CHST11: variants seen among roughly 807,000 people sequenced by gnomAD.
The protein encoded by CHST11 is C4S-1.
CHST11 carries 9 observed loss-of-function variants against 30.4 expected under a neutral mutation model. The observed-to-expected ratio is 0.30, with a 90% CI of 0.18 to 0.52. CHST11 has a LOEUF of 0.52. Ranked by LOEUF, CHST11 falls within the 20% of genes least tolerant of loss-of-function variation. The probability of loss-of-function intolerance (pLI) is 0.97; values close to 1 mark genes in which losing one functional copy is unlikely to be tolerated. For missense variants in CHST11, 348 were observed against 460.6 expected (o/e 0.76, Z 2.24); for synonymous variants, 152 against 187.8 (o/e 0.81, Z 1.56).
intron 2 of CHST11, among the ~76,000 whole-genome samples, chr12:104,609,938 A>G (rs1380970304): frequency 3.9e-5 from 6 of 152,170 alleles, no homozygotes; most frequent in Admixed American, 6.5e-5. Flanking sequence ...GCTACTAGCT[A>G]TCTTCATTGT....
chr12:104,555,388 G>T (rs1376082283), intron 1 of CHST11, among the ~76,000 whole-genome samples: 1 of 152,218 alleles, frequency 6.6e-6, no homozygotes, highest in African/African-American at 2.4e-5. Flanking sequence ...TTTTAGATTT[G>T]TGGGTTAAAT....
intron 1 of CHST11, among the ~76,000 whole-genome samples, chr12:104,589,899 C>T (rs1330124291): frequency 6.6e-6 from 1 of 152,052 alleles, no homozygotes; most frequent in African/African-American, 2.4e-5. Flanking sequence ...ATCCCAGCTA[C>T]TCGGGAGGCT....
chr12:104,517,939 C>G (rs2038040057), intron 1 of CHST11, among the ~76,000 whole-genome samples: 2 of 152,162 alleles, frequency 1.3e-5, no homozygotes, highest in Non-Finnish European at 2.9e-5. Flanking sequence ...GAGGATCGTA[C>G]TGGATAACTT....
At chr12:104,573,111 T>C (rs2038645791) in intron 1 of CHST11, among the ~76,000 whole-genome samples, 2 of 152,218 alleles carry the variant, frequency 1.3e-5, no homozygotes, top group African/African-American at 4.8e-5. Flanking sequence ...CCATTCACAA[T>C]TGCTTCAAAG....
chr12:104,695,580 C>T (rs145738530), intron 2 of CHST11, among the ~76,000 whole-genome samples: 49 of 152,244 alleles, frequency 3.2e-4, no homozygotes, highest in African/African-American at 1.1e-3. Context: ...CAGCTGCAAG[C>T]GGGGAGCTTC....
intron 1 of CHST11, among the ~76,000 whole-genome samples, chr12:104,483,321 T>C (rs960703460): frequency 2.6e-5 from 4 of 152,210 alleles, no homozygotes; most frequent in African/African-American, 9.7e-5. Flanking sequence ...TTCTTCTGCC[T>C]CAGCCTCTCG....
At chr12:104,678,846 G>C (rs1473102557) in intron 2 of CHST11, among the ~76,000 whole-genome samples, 3 of 152,104 alleles carry the variant, frequency 2.0e-5, no homozygotes, top group African/African-American at 7.2e-5. Flanking sequence ...ACTCAAAACA[G>C]TCCTCAGGAG....
At chr12:104,555,732 T>C (rs2038448420) in intron 1 of CHST11, among the ~76,000 whole-genome samples, 1 of 152,186 alleles carries the variant, frequency 6.6e-6, no homozygotes, top group Non-Finnish European at 1.5e-5. Context: ...TCCGGAAGCA[T>C]TAAAATTCAT....
At chr12:104,507,302 G>T (rs531368028) in intron 1 of CHST11, among the ~76,000 whole-genome samples, 1 of 152,296 alleles carries the variant, frequency 6.6e-6, no homozygotes, top group South Asian at 2.1e-4. Context: ...CTTTCTCCCA[G>T]CCCAGTGGCC....
At chr12:104,558,688 G>A (rs1224383576) in intron 1 of CHST11, among the ~76,000 whole-genome samples, 2 of 151,882 alleles carry the variant, frequency 1.3e-5, no homozygotes, top group Non-Finnish European at 2.9e-5. Flanking sequence ...TCAGGTGTGT[G>A]CCACCACGCC....
At chr12:104,553,419 AC>A (rs1482123916) in intron 1 of CHST11, 1 of 152,288 alleles carries the variant, frequency 6.6e-6, no homozygotes, top group African/African-American at 2.4e-5. Context: ...ATAAAGAACT[AC>A]CTGAGACTGG....
chr12:104,572,795 A>G (rs1258927517), intron 1 of CHST11, among the ~76,000 whole-genome samples: 1 of 152,046 alleles, frequency 6.6e-6, no homozygotes, highest in Non-Finnish European at 1.5e-5. Context: ...CTACTTTTTA[A>G]TTGTGATGTT....
chr12:104,651,602 C>G (rs1409596421), intron 2 of CHST11, among the ~76,000 whole-genome samples: 1 of 152,204 alleles, frequency 6.6e-6, no homozygotes, highest in Non-Finnish European at 1.5e-5. Flanking sequence ...GCCTTGACCC[C>G]TGGTCACTCC....
chr12:104,657,933 G>A (rs1219248086), intron 2 of CHST11, among the ~76,000 whole-genome samples: 1 of 152,208 alleles, frequency 6.6e-6, no homozygotes, highest in African/African-American at 2.4e-5. Flanking sequence ...TTCCCCTTCA[G>A]TTGACGGAGG....
intron 2 of CHST11, among the ~76,000 whole-genome samples, chr12:104,604,502 G>T (rs1056134032): frequency 1.4e-4 from 22 of 152,300 alleles, no homozygotes; most frequent in Admixed American, 1.4e-3. Context: ...AACTGTCTTG[G>T]TGATCATTTG....
In CHST11 at chr12:104,638,452, T is replaced by C. The variant is rs931317466; in HGVS notation, c.204+36461T>C. 6.6e-5 allele frequency among the ~76,000 whole-genome samples: 10 copies of C among 152,174 alleles called. No homozygotes were observed. The South Asian group carries it at 1.9e-3, about 28-fold the overall frequency. ...GTCAACCACTTGACTCAACCTGAAC[T>C]CCTGCCCTTCCCAATGGAGTGGGAT... is the stretch of plus-strand genomic sequence containing the variant. On this transcript the variant is annotated intron_variant, in intron 2 of 2. Coordinates refer to ENST00000303694, the MANE Select transcript of CHST11 (RefSeq NM_018413.6).
intron 1 of CHST11, among the ~76,000 whole-genome samples, chr12:104,555,155 A>G (rs1644687576): frequency 6.6e-6 from 1 of 152,230 alleles, no homozygotes; most frequent in Non-Finnish European, 1.5e-5. Flanking sequence ...CTCTGATTCT[A>G]GCCACATCAG....
At chr12:104,537,737 C>G (rs1210279987) in intron 1 of CHST11, among the ~76,000 whole-genome samples, 2 of 148,098 alleles carry the variant, frequency 1.4e-5, no homozygotes, top group Non-Finnish European at 3.0e-5. Flanking sequence ...ACTCTGTTCC[C>G]TAGGCTGGAG....
At chr12:104,684,741 G>A (rs1157589014) in intron 2 of CHST11, among the ~76,000 whole-genome samples, 4 of 152,082 alleles carry the variant, frequency 2.6e-5, no homozygotes, top group African/African-American at 7.2e-5. Flanking sequence ...TAGAGACAGG[G>A]TTTCACCATG....
Sources: allele counts gnomAD v4.1 joint callset (sites outside exome capture counted in the v4.1 genomes callset), GRCh38; gene constraint gnomAD v4.1.1; transcripts MANE v1.5; gene names NCBI Gene and HGNC (gene_info 2026-07-23, HGNC 2026-07-21).